The following TTC5 variants were observed in gnomAD, a reference collection of about 807,000 sequenced individuals.
TTC5 encodes the protein tetratricopeptide repeat protein 5.
In TTC5, 46 loss-of-function variants were observed where a neutral mutation model predicts 57.4. The observed-to-expected ratio is 0.80, with a 90% CI of 0.63 to 1.03. TTC5 has a LOEUF of 1.03. TTC5 is among the 50% of genes least tolerant of loss of function. TTC5 has a pLI of 0.00. For synonymous variants in TTC5, 190 were observed against 203.5 expected, an observed-to-expected ratio of 0.93 and a Z score of 0.57; for missense variants, 504 against 528.1, an observed-to-expected ratio of 0.95 and a Z score of 0.45.
chr14:20,299,874 G>T (rs1882146790), intron 3 of TTC5, among the ~76,000 whole-genome samples: 1 of 151,204 alleles, frequency 6.6e-6, no homozygotes, highest in Non-Finnish European at 1.5e-5. Flanking sequence ...TTGTGACAGG[G>T]TCTCACTCTG....
At position 20,296,605 on chromosome 14, in the gene TTC5, A is replaced by G. The variant is rs114756979; in HGVS notation, c.640-159T>C. 2.2e-3 allele frequency among the ~76,000 whole-genome samples: 341 copies of G among 152,344 alleles called. 4 individuals carry two copies. Among genetic ancestry groups the G allele is most frequent in the African/African-American group, 7.8e-3 (324 of 41,572 alleles). On this transcript the variant is annotated intron_variant, in intron 5 of 9. Coordinates refer to ENST00000258821, the MANE Select transcript of TTC5 (RefSeq NM_138376.3). ...AAGCAGTTACCGTATAACAGTGTGG[A>G]TATCTTAGTCCCAAAACCTTAGGGA...
intron 8 of TTC5, chr14:20,293,154 C>T (rs1003431993): frequency 5.9e-5 from 9 of 152,156 alleles, no homozygotes; most frequent in African/African-American, 2.2e-4. Context: ...CTGCAATTTA[C>T]TCTGATAGCA....
Position 20,295,535 on chromosome 14 carries a change from A to C in TTC5, c.844-9T>G. ...TTGGTCTTCACCTTTCCCTGCAAAG[A>C]AGGGGAAATAGGTAAGAAGCTGGAA... On this transcript the variant is annotated splice_polypyrimidine_tract_variant and intron_variant, in intron 7 of 9. Transcript: ENST00000258821. 1 of 1,605,790 alleles carries C rather than the reference A, an allele frequency of 6.2e-7. No individual in the cohort carries two copies. Among genetic ancestry groups the C allele is most frequent in the East Asian group, 2.2e-5 (1 of 44,676 alleles).
chr14:20,299,096 T>C (rs759514921), intron 4 of TTC5, among the ~76,000 whole-genome samples: 1 of 152,192 alleles, frequency 6.6e-6, no homozygotes, highest in Non-Finnish European at 1.5e-5. Context: ...AGCCCTTCCT[T>C]GCTTACGTGA....
At chr14:20,301,297 C>T (rs556203097) in intron 2 of TTC5, among the ~76,000 whole-genome samples, 87 of 152,312 alleles carry the variant, frequency 5.7e-4, no homozygotes, top group African/African-American at 1.8e-3. Context: ...ATCAGAAGTA[C>T]ATGTGGCCAT....
chr14:20,289,490 T>TAATA lies in TTC5; in HGVS notation c.*133_*136dup. 3 of 1,060,140 alleles carry TAATA rather than the reference T, an allele frequency of 2.8e-6. No individual in the cohort carries two copies. The highest frequency in any genetic ancestry group is 4.0e-6 in the Non-Finnish European group (3 of 754,146). 65.7% of individuals were successfully genotyped at this position (1,060,140 alleles called of 1,614,324 possible). A position where few individuals can be genotyped will look rare whatever the true frequency, so the allele number is the denominator to read the frequency against. ...GAGGAGAGAGAAGAGATACGAAGTG[T>TAATA]AATACAGGCAGGGAAAGAGAAAGTC... is the stretch of plus-strand genomic sequence containing the variant. On this transcript the variant is annotated 3_prime_UTR_variant, in exon 10 of 10. Coordinates refer to ENST00000258821, the MANE Select transcript of TTC5 (RefSeq NM_138376.3).
chr14:20,294,611 T>G (rs560761015), intron 8 of TTC5: 33 of 152,128 alleles, frequency 2.2e-4, no homozygotes, highest in African/African-American at 8.0e-4. Context: ...ACAATGGTGA[T>G]CCTAGGAAAA....
At chr14:20,291,917 A>T in intron 9 of TTC5, 66 bp downstream of exon 9, 1 of 1,331,810 alleles carries the variant, frequency 7.5e-7, no homozygotes. Flanking sequence ...TATCTTTTAT[A>T]AAAAGATAAG....
Position 20,295,477 on chromosome 14 carries a change from G to A in TTC5, c.893C>T (p.Pro298Leu), listed in dbSNP as rs201940434. The change falls in exon 8 of 10, where the codon CCA becomes CTA. Residue 298 changes from proline to leucine, a missense_variant. Transcript: ENST00000258821. ...ATCACTGCAAGGGCCTAGATGGGCTGGGCGCAAGCTTCCCAGCATGCTCTG... is the reference window on the plus strand; with the variant it reads ...ATCACTGCAAGGGCCTAGATGGGCTAGGCGCAAGCTTCCCAGCATGCTCTG... ...KLQSMLGSLR[P>L]AHLGPCSDGH... 1.1e-5 allele frequency: 18 copies of A among 1,613,886 alleles called. No homozygotes were observed. Among genetic ancestry groups the A allele is most frequent in the Non-Finnish European group, 1.5e-5 (18 of 1,179,948 alleles).
At chr14:20,302,502 T>G (rs1422431232) in intron 1 of TTC5, among the ~76,000 whole-genome samples, 1 of 152,344 alleles carries the variant, frequency 6.6e-6, no homozygotes, top group East Asian at 1.9e-4. Context: ...AACATACCAA[T>G]TTGAACTTGG....
intron 8 of TTC5, 123 bp downstream of exon 8, chr14:20,295,189 G>A: frequency 1.2e-6 from 1 of 846,410 alleles, no homozygotes; most frequent in Non-Finnish European, 1.9e-6. Context: ...GATAGTCACA[G>A]AAGGAAATCA....
At chr14:20,290,109 C>T (rs1164050204) in intron 9 of TTC5, among the ~76,000 whole-genome samples, 3 of 152,148 alleles carry the variant, frequency 2.0e-5, no homozygotes, top group Non-Finnish European at 2.9e-5. Flanking sequence ...ACATAGCAGC[C>T]GGCCAGAGCC....
At chr14:20,302,909 G>C (rs756339341) in intron 1 of TTC5, among the ~76,000 whole-genome samples, 1 of 150,594 alleles carries the variant, frequency 6.6e-6, no homozygotes, top group Non-Finnish European at 1.5e-5. Context: ...TTTTTTAAAA[G>C]ACAGGGTCAC....
chr14:20,293,215 T>C (rs1478537633), intron 8 of TTC5: 2 of 152,132 alleles, frequency 1.3e-5, no homozygotes, highest in Admixed American at 6.5e-5. Context: ...ATATTAATGG[T>C]AGAATATAAG....
intron 1 of TTC5, 189 bp downstream of exon 1, chr14:20,305,698 C>G (rs1299334957): frequency 1.6e-6 from 1 of 616,276 alleles, no homozygotes; most frequent in Non-Finnish European, 2.9e-6. Flanking sequence ...GCAGTCAGGT[C>G]GGCAGCAGGA....
Position 20,288,804 on chromosome 14 carries a change from A to G in TTC5, c.*823T>C, listed in dbSNP as rs1881893092. ...GTTATAAAACATGTCACTAGACTCTAAAGAAACTGAGGATTTATCTAACTC... is the reference window on the plus strand; with the variant it reads ...GTTATAAAACATGTCACTAGACTCTGAAGAAACTGAGGATTTATCTAACTC... On this transcript the variant is annotated 3_prime_UTR_variant, in exon 10 of 10. Coordinates refer to ENST00000258821, the MANE Select transcript of TTC5 (RefSeq NM_138376.3). 6.6e-6 allele frequency: 1 copy of G among 152,204 alleles called. No individual in the cohort carries two copies. The highest frequency in any genetic ancestry group is 1.9e-4 in the East Asian group (1 of 5,204). The allele number at this position is 152,204 out of a possible 1,614,324, so 9.4% of individuals were successfully genotyped here. A position where few individuals can be genotyped will look rare whatever the true frequency, so the allele number is the denominator to read the frequency against.
Position 20,305,941 on chromosome 14 carries a change from C to T in TTC5, c.-4G>A, listed in dbSNP as rs371350662. ...CTTCCTCTTCATCAGCCATCATCTCCCGGCCACTCCACCCCCAACTTTATA... is the reference window on the plus strand; with the variant it reads ...CTTCCTCTTCATCAGCCATCATCTCTCGGCCACTCCACCCCCAACTTTATA... On this transcript the variant is annotated 5_prime_UTR_variant, in exon 1 of 10. Transcript: ENST00000258821. The T allele has an allele frequency of 1.9e-5, 30 of 1,613,962 alleles. No individual in the cohort carries two copies. The highest frequency in any genetic ancestry group is 2.4e-5 in the Non-Finnish European group (28 of 1,180,008).
In TTC5 at chr14:20,286,521, G is replaced by A. The variant is rs528452227; in HGVS notation, c.*3106C>T. On this transcript the variant is annotated 3_prime_UTR_variant, in exon 10 of 10. Transcript: ENST00000258821. ...TTGATTCTTTAATAAAAGGTGCTGG[G>A]CTATTTACTCATTATGAAAAAAATT... 1.3e-5 allele frequency: 2 copies of A among 152,020 alleles called. No individual in the cohort carries two copies. Among genetic ancestry groups the A allele is most frequent in the Non-Finnish European group, 2.9e-5 (2 of 67,972 alleles). The allele number at this position is 152,020 out of a possible 1,614,324, so 9.4% of individuals were successfully genotyped here.
chr14:20,295,429 C>A lies in TTC5; in HGVS notation c.941G>T (p.Gly314Val). The change falls in exon 8 of 10, where the codon GGG (glycine) becomes GTG (valine). Residue 314 changes from glycine (G) to valine (V), a missense_variant. By Grantham distance (109) the Gly-to-Val change is moderately radical. Transcript: ENST00000258821. Reference sequence around the variant, plus strand: ...CTTGAGCTCCAGGGTCACTTTCTGCCCAGAGGCTGACTGATAGTGCCCATC... The same window carrying A: ...CTTGAGCTCCAGGGTCACTTTCTGCACAGAGGCTGACTGATAGTGCCCATC... ...CSDGHYQSAS[G>V]QKVTLELKPL... 1 of 1,614,160 alleles carries A rather than the reference C, an allele frequency of 6.2e-7. No homozygotes were observed. Among genetic ancestry groups the A allele is most frequent in the Middle Eastern group, 1.6e-4 (1 of 6,062 alleles).
Sources: allele counts gnomAD v4.1 joint callset (sites outside exome capture counted in the v4.1 genomes callset), GRCh38; gene constraint gnomAD v4.1.1; transcripts MANE v1.5; gene names NCBI Gene and HGNC (gene_info 2026-07-23, HGNC 2026-07-21).